The following DNAH10 variants were observed in gnomAD, a reference collection of about 807,000 sequenced individuals.
The protein encoded by DNAH10 is dynein axonemal heavy chain 10, also known as axonemal beta dynein heavy chain 10.
A neutral mutation model predicts 506.6 loss-of-function variants in DNAH10; 348 were observed. The ratio of observed to expected loss-of-function variants is 0.69; its 90% CI spans 0.63 to 0.75. DNAH10 has a LOEUF of 0.75. Among genes scored for constraint, DNAH10 ranks in the 30% least tolerant of loss-of-function variants. The pLI is 0.00. For synonymous variants in DNAH10, 2,059 were observed against 2,198.6 expected, an observed-to-expected ratio of 0.94 and a Z score of 1.78; for missense variants, 5,179 against 5,787.1, an observed-to-expected ratio of 0.89 and a Z score of 3.41.
chr12:123,848,042 G>C lies in DNAH10; in HGVS notation c.5896G>C (p.Ala1966Pro). 1 of 1,614,024 alleles carries C rather than the reference G, an allele frequency of 6.2e-7. No individual in the cohort carries two copies. Among genetic ancestry groups the C allele is most frequent in the East Asian group, 2.2e-5 (1 of 44,882 alleles). The change falls in exon 33 of 79, where the codon GCC becomes CCC. Residue 1966 changes from alanine (A) to proline (P), a missense_variant. By Grantham distance (27) the Ala-to-Pro change is conservative. Coordinates refer to ENST00000673944, the MANE Select transcript of DNAH10 (RefSeq NM_001372106.1). ...CGAGACCACCAAGGACCTGGCGAAA[G>C]CCTTGGGCTTGCTCTGTGTTGTCAC... is the stretch of plus-strand genomic sequence containing the variant. The part of the protein sequence containing the change: ...KTETTKDLAK[A>P]LGLLCVVTNC...
In DNAH10 at chr12:123,924,275, T is replaced by C. The variant is rs768587047; in HGVS notation, c.11612-3T>C. The stretch of plus-strand genomic sequence containing the variant: ...CTGCTTGCTTCTCTTCTGTTGTGAT[T>C]AGGAAACATTTCCCTGGAGAAAAGC... On this transcript the variant is annotated splice_polypyrimidine_tract_variant and splice_region_variant and intron_variant, in intron 66 of 78. Transcript: ENST00000673944. The C allele has an allele frequency of 1.0e-5, 16 of 1,606,762 alleles. No homozygotes were observed. Among genetic ancestry groups the C allele is most frequent in the Non-Finnish European group, 1.3e-5 (15 of 1,174,996 alleles).
chr12:123,782,368 CCCCTT>C (rs1957693093), intron 6 of DNAH10, among the ~76,000 whole-genome samples: 2 of 126,566 alleles, frequency 1.6e-5, no homozygotes, highest in Non-Finnish European at 3.3e-5. Flanking sequence ...TCTCTCCCCT[CCCCTT>C]CCCTTTTCTT....
At chr12:123,934,950 G>T (rs1295305160) in intron 78 of DNAH10, 184 bp downstream of exon 78, 1 of 756,024 alleles carries the variant, frequency 1.3e-6, no homozygotes, top group Non-Finnish European at 2.1e-6. Flanking sequence ...AGGCGCGGCT[G>T]TATGTGTGTG....
At chr12:123,788,614 GA>G (rs904556341) in intron 10 of DNAH10, among the ~76,000 whole-genome samples, 6 of 150,906 alleles carry the variant, frequency 4.0e-5, no homozygotes, top group African/African-American at 1.2e-4. Flanking sequence ...TCAAAGACAG[GA>G]AAAAAAAATG....
At chr12:123,789,898 T>C in intron 10 of DNAH10, 29 bp from the exon 11 acceptor site, 1 of 1,589,752 alleles carries the variant, frequency 6.3e-7, no homozygotes, top group Admixed American at 1.7e-5. Context: ...CCAAATGTAA[T>C]CTCCTCATTG....
chr12:123,838,409 C>T, intron 28 of DNAH10, 47 bp from the exon 29 acceptor site: 1 of 1,540,890 alleles, frequency 6.5e-7, no homozygotes. Context: ...AGTGTCTCCG[C>T]TCTCCCTGCT....
chr12:123,830,304 G>A (rs1331174427), intron 25 of DNAH10, among the ~76,000 whole-genome samples: 3 of 152,202 alleles, frequency 2.0e-5, no homozygotes, highest in Admixed American at 2.0e-4. Flanking sequence ...TTATGAGAAG[G>A]CCGTGAAGAC....
chr12:123,904,407 C>G (rs1953678484), intron 57 of DNAH10, among the ~76,000 whole-genome samples: 1 of 152,098 alleles, frequency 6.6e-6, no homozygotes, highest in Non-Finnish European at 1.5e-5. Flanking sequence ...GGCCACTGCT[C>G]CCAGGTCAGC....
intron 48 of DNAH10, among the ~76,000 whole-genome samples, chr12:123,878,446 T>C (rs999264381): frequency 9.2e-5 from 14 of 152,180 alleles, no homozygotes; most frequent in African/African-American, 3.4e-4. Flanking sequence ...GAATTGAGAA[T>C]TTTCCATGTA....
At chr12:123,839,224 A>AG (rs201530075) in intron 29 of DNAH10, among the ~76,000 whole-genome samples, 12 of 149,628 alleles carry the variant, frequency 8.0e-5, no homozygotes, top group Non-Finnish European at 1.3e-4. Flanking sequence ...CTAAAAAAAA[A>AG]AAAAAAACAA....
At chr12:123,843,873 C>G (rs886596895) in intron 30 of DNAH10, among the ~76,000 whole-genome samples, 1 of 152,216 alleles carries the variant, frequency 6.6e-6, no homozygotes, top group East Asian at 1.9e-4. Flanking sequence ...CCAAAGCATT[C>G]GGCCTCCTAC....
At chr12:123,806,543 C>T (rs1422134245) in intron 18 of DNAH10, among the ~76,000 whole-genome samples, 1 of 152,134 alleles carries the variant, frequency 6.6e-6, no homozygotes, top group African/African-American at 2.4e-5. Context: ...TCTTTGTGAG[C>T]TGCTAAAAAT....
At chr12:123,855,633 C>CAAAAAA (rs34517744) in intron 36 of DNAH10, among the ~76,000 whole-genome samples, 1 of 102,120 alleles carries the variant, frequency 9.8e-6, no homozygotes, top group African/African-American at 3.5e-5. Context: ...GACCCTGTCT[C>CAAAAAA]AAAAAAAAAA....
Position 123,903,153 on chromosome 12 carries a change from C to T in DNAH10, c.9815+40C>T. 2 of 1,561,140 alleles carry T rather than the reference C, an allele frequency of 1.3e-6. No individual in the cohort carries two copies. Among genetic ancestry groups the T allele is most frequent in the Non-Finnish European group, 8.7e-7 (1 of 1,154,646 alleles). On this transcript the variant is annotated intron_variant, in intron 57 of 78. Transcript: ENST00000673944. The surrounding 1 kb of genome is among the most constrained non-coding windows in gnomAD (Gnocchi z 4.6). ...CCACCATTCTGGGCTTCCATTCCAC[C>T]TCTGCAAGCCAGTAGTCTCCATGAT...
intron 4 of DNAH10, 80 bp downstream of exon 4, chr12:123,773,022 T>C: frequency 2.1e-6 from 2 of 968,456 alleles, no homozygotes; most frequent in Non-Finnish European, 3.1e-6. Flanking sequence ...CATTCTGTTG[T>C]CTTTTTATGG....
chr12:123,820,463 TC>T (rs1959271827), intron 23 of DNAH10, 116 bp from the exon 24 acceptor site: 1 of 1,045,574 alleles, frequency 9.6e-7, no homozygotes, highest in Non-Finnish European at 1.4e-6. Flanking sequence ...AAATTTGTCT[TC>T]CCGTGTGGTT....
At chr12:123,885,902 T>G (rs1040749033) in intron 51 of DNAH10, among the ~76,000 whole-genome samples, 1 of 152,378 alleles carries the variant, frequency 6.6e-6, no homozygotes, top group African/African-American at 2.4e-5. Flanking sequence ...ATTGCCCCTT[T>G]ATATACTTAT....
intron 6 of DNAH10, among the ~76,000 whole-genome samples, chr12:123,781,917 G>C (rs940273823): frequency 7.2e-5 from 11 of 151,726 alleles, no homozygotes; most frequent in Non-Finnish European, 1.6e-4. Flanking sequence ...TTGGTGTTAG[G>C]ATGATGGGCC....
At position 123,813,345 on chromosome 12, in the gene DNAH10, A is replaced by G; in HGVS notation, c.3326A>G (p.Gln1109Arg). Residue 1109 changes from glutamine to arginine, a missense_variant, in exon 20 of 79, where the codon CAA becomes CGA. By Grantham distance (43) the Gln-to-Arg change is conservative (BLOSUM62 1). Transcript: ENST00000673944. Reference protein sequence around the residue: ...RILINLMKYLQKWKRYRPLWK... With the variant: ...RILINLMKYLRKWKRYRPLWK... ...CTGATCAATCTTATGAAGTATCTAC[A>G]AAAATGGAAGCGGTATCGACCTCTC... 6.2e-7 allele frequency: 1 copy of G among 1,614,254 alleles called. No homozygotes were observed. The highest frequency in any genetic ancestry group is 1.1e-5 in the South Asian group (1 of 91,086).
Sources: gnomAD v4.1 joint callset for allele counts (sites outside exome capture counted in the v4.1 genomes callset) on GRCh38, gnomAD v4.1.1 for gene constraint, Gnocchi (gnomAD v3.1) non-coding constraint, MANE v1.5 for transcripts, NCBI Gene and HGNC (gene_info 2026-07-23, HGNC 2026-07-21) for gene names.